The following CHST8 variants were observed in gnomAD, a reference collection of about 807,000 sequenced individuals.
The protein encoded by CHST8 is GALNAC-4-ST1.
CHST8 carries 10 observed loss-of-function variants against 15.0 expected under a neutral mutation model. The ratio of observed to expected loss-of-function variants is 0.67; its 90% CI spans 0.41 to 1.13. The LOEUF (loss-of-function observed/expected upper bound fraction) is 1.13, where lower values mean the gene tolerates loss of function less well. CHST8 is among the 50% of genes most tolerant of loss of function. CHST8 has a pLI of 0.00. For missense variants in CHST8, 634 were observed against 608.2 expected (o/e 1.04, Z -0.45); for synonymous variants, 259 against 256.6 (o/e 1.01, Z -0.09).
intron 3 of CHST8, among the ~76,000 whole-genome samples, chr19:33,698,369 C>T (rs1371322809): frequency 3.4e-5 from 5 of 146,578 alleles, no homozygotes; most frequent in Non-Finnish European, 7.4e-5. Flanking sequence ...GGCGACAAAG[C>T]GAGACTCCAT....
At chr19:33,647,369 T>A (rs1015079851) in intron 1 of CHST8, among the ~76,000 whole-genome samples, 17 of 152,160 alleles carry the variant, frequency 1.1e-4, no homozygotes, top group African/African-American at 1.7e-4. Flanking sequence ...CCAATGCTGG[T>A]GGCAGGCCAG....
At chr19:33,627,097 T>TAGG (rs1972063701) in intron 1 of CHST8, among the ~76,000 whole-genome samples, 1 of 33,492 alleles carries the variant, frequency 3.0e-5, no homozygotes, top group African/African-American at 1.0e-4. Flanking sequence ...TCCTCTTTTT[T>TAGG]TGGGGGGGGG....
chr19:33,723,857 C>A (rs1450442189), intron 3 of CHST8, among the ~76,000 whole-genome samples: 1 of 152,184 alleles, frequency 6.6e-6, no homozygotes, highest in Non-Finnish European at 1.5e-5. Context: ...ACCTGATCAT[C>A]CTCGAGCCAA....
At chr19:33,758,286 T>C (rs1974646074) in intron 3 of CHST8, among the ~76,000 whole-genome samples, 1 of 152,122 alleles carries the variant, frequency 6.6e-6, no homozygotes, top group Non-Finnish European at 1.5e-5. Flanking sequence ...GTCAGGGCCG[T>C]CACCCAGACT....
chr19:33,732,488 T>G (rs550762123), intron 3 of CHST8, among the ~76,000 whole-genome samples: 256 of 151,810 alleles, frequency 1.7e-3, no homozygotes, highest in African/African-American at 5.4e-3. Flanking sequence ...CCTGTGAATC[T>G]GTAGCCAGCT....
intron 2 of CHST8, among the ~76,000 whole-genome samples, chr19:33,676,839 T>C (rs1371781561): frequency 1.3e-5 from 2 of 150,178 alleles, no homozygotes; most frequent in African/African-American, 2.5e-5. Context: ...ATCATACCAC[T>C]GCACTCCAGC....
At chr19:33,642,572 A>G (rs1345712718) in intron 1 of CHST8, among the ~76,000 whole-genome samples, 1 of 152,142 alleles carries the variant, frequency 6.6e-6, no homozygotes, top group Non-Finnish European at 1.5e-5. Context: ...CATGTTGGCC[A>G]GGCTGGTCTT....
intron 2 of CHST8, among the ~76,000 whole-genome samples, chr19:33,677,052 A>G (rs942877591): frequency 2.0e-5 from 3 of 152,176 alleles, no homozygotes; most frequent in Admixed American, 6.5e-5. Context: ...CTAGAGACCA[A>G]TGACTGACAT....
chr19:33,772,551 C>T lies in CHST8; in HGVS notation c.763C>T (p.Leu255Phe). ...LHRLSTYTKM[L>F]FVREPFERLV... is the part of the protein sequence containing the mutation. ...CCGTCTCAGCACCTACACCAAGATG[C>T]TCTTTGTCCGCGAGCCCTTCGAGAG... Residue 255 changes from leucine (L) to phenylalanine (F), a missense_variant, in exon 5 of 5, where the codon CTC becomes TTC. Leu to Phe is a conservative substitution (Grantham distance 22, BLOSUM62 0). Transcript: ENST00000650847. 4 of 1,614,116 alleles carry T rather than the reference C, an allele frequency of 2.5e-6. No homozygotes were observed. The highest frequency in any genetic ancestry group is 3.4e-6 in the Non-Finnish European group (4 of 1,180,032).
chr19:33,682,820 T>A (rs1406499406), intron 2 of CHST8, among the ~76,000 whole-genome samples: 1 of 152,228 alleles, frequency 6.6e-6, no homozygotes, highest in Non-Finnish European at 1.5e-5. Context: ...GGGGATGCAT[T>A]AGTCCACTTT....
intron 1 of CHST8, among the ~76,000 whole-genome samples, chr19:33,650,226 C>T (rs1972417405): frequency 6.6e-6 from 1 of 152,124 alleles, no homozygotes; most frequent in Non-Finnish European, 1.5e-5. Context: ...CCTCCCGTCC[C>T]AGCATGGCCA....
intron 1 of CHST8, among the ~76,000 whole-genome samples, chr19:33,637,185 G>A (rs1972215741): frequency 6.6e-6 from 1 of 152,092 alleles, no homozygotes. Context: ...CTTCTTTACT[G>A]CAACCTGTTT....
intron 1 of CHST8, among the ~76,000 whole-genome samples, chr19:33,624,411 G>A (rs1972024949): frequency 6.6e-6 from 1 of 152,214 alleles, no homozygotes; most frequent in Non-Finnish European, 1.5e-5. Context: ...TGCTGTTAGA[G>A]ATGCCTTTAT....
intron 3 of CHST8, among the ~76,000 whole-genome samples, chr19:33,727,324 C>G (rs758675815): frequency 3.9e-5 from 6 of 152,158 alleles, no homozygotes; most frequent in Non-Finnish European, 8.8e-5. Flanking sequence ...GGAGGCTGAA[C>G]CAGCCTCCCG....
chr19:33,769,443 C>T (rs1974921590), intron 3 of CHST8, among the ~76,000 whole-genome samples: 1 of 152,116 alleles, frequency 6.6e-6, no homozygotes, highest in Admixed American at 6.5e-5. Context: ...GCTGCCATAA[C>T]CAGAAGAAAA....
At chr19:33,627,098 T>TTG (rs879471644) in intron 1 of CHST8, among the ~76,000 whole-genome samples, 2,610 of 68,592 alleles carry the variant, frequency 0.038, 144 homozygotes, top group African/African-American at 0.12. Flanking sequence ...CCTCTTTTTT[T>TTG]GGGGGGGGGG....
At chr19:33,723,682 A>G (rs567581865) in intron 3 of CHST8, among the ~76,000 whole-genome samples, 50 of 152,176 alleles carry the variant, frequency 3.3e-4, no homozygotes, top group Non-Finnish European at 6.9e-4. Flanking sequence ...ATTGCAAGGG[A>G]CAGCATCAGG....
Position 33,727,581 on chromosome 19 carries a change from G to A in CHST8, c.130+38190G>A, listed in dbSNP as rs553131149. 2.6e-5 allele frequency among the ~76,000 whole-genome samples: 4 copies of A among 152,316 alleles called. No individual in the cohort carries two copies. The East Asian group carries it at 5.8e-4, about 22-fold the overall frequency. On this transcript the variant is annotated intron_variant, in intron 3 of 4. Coordinates refer to ENST00000650847, the MANE Select transcript of CHST8 (RefSeq NM_001127895.2). ...GGGGCTGTGCATCTTGTCGCGCCTG[G>A]CTTTATTAATCCATTTTGTGAATAG...
chr19:33,696,842 GT>G (rs554321176), intron 3 of CHST8, among the ~76,000 whole-genome samples: 335 of 141,954 alleles, frequency 2.4e-3, no homozygotes, highest in African/African-American at 5.9e-3. Flanking sequence ...TGTTTTTTAA[GT>G]TTTTTTTTTT....
Sources: gnomAD v4.1 joint callset for allele counts (sites outside exome capture counted in the v4.1 genomes callset) on GRCh38, gnomAD v4.1.1 for gene constraint, MANE v1.5 for transcripts, NCBI Gene and HGNC (gene_info 2026-07-23, HGNC 2026-07-21) for gene names.